The following ULK4 variants were observed in gnomAD, a reference collection of about 807,000 sequenced individuals.
The protein encoded by ULK4 is unc-51 like kinase 4, also known as inactive serine/threonine-protein kinase ULK4.
A neutral mutation model predicts 160.6 loss-of-function variants in ULK4; 133 were observed. That is an observed-to-expected ratio of 0.83 (90% CI 0.72 to 0.96). The LOEUF is 0.96. Among genes scored for constraint, ULK4 ranks in the 40% least tolerant of loss-of-function variants. The probability of loss-of-function intolerance (pLI) is 0.00; values close to 1 mark genes in which losing one functional copy is unlikely to be tolerated. For synonymous variants in ULK4, 534 were observed against 539.8 expected, an observed-to-expected ratio of 0.99 and a Z score of 0.15; for missense variants, 1,580 against 1,499.5, an observed-to-expected ratio of 1.05 and a Z score of -0.89.
intron 22 of ULK4, among the ~76,000 whole-genome samples, chr3:41,740,773 T>G (rs1407224824): frequency 1.3e-5 from 2 of 151,964 alleles, no homozygotes; most frequent in Non-Finnish European, 2.9e-5. Context: ...GGACTCCAGT[T>G]GCTAGTGCAG....
chr3:41,346,461 A>G (rs1432077365), intron 35 of ULK4, among the ~76,000 whole-genome samples: 1 of 152,148 alleles, frequency 6.6e-6, no homozygotes, highest in East Asian at 1.9e-4. Flanking sequence ...CCTTCTCTGC[A>G]GAAAGTGAGC....
chr3:41,431,037 G>A (rs967123288), intron 34 of ULK4, among the ~76,000 whole-genome samples: 1 of 152,198 alleles, frequency 6.6e-6, no homozygotes, highest in Non-Finnish European at 1.5e-5. Flanking sequence ...TTCACTACAC[G>A]TTATCGTACT....
At chr3:41,796,394 G>A (rs138801360) in intron 20 of ULK4, among the ~76,000 whole-genome samples, 28 of 152,132 alleles carry the variant, frequency 1.8e-4, no homozygotes, top group African/African-American at 4.1e-4. Flanking sequence ...TTTGAGACCC[G>A]CCTGGCCAAC....
chr3:41,493,086 C>A (rs2084850831), intron 32 of ULK4, among the ~76,000 whole-genome samples: 1 of 101,996 alleles, frequency 9.8e-6, no homozygotes, highest in Non-Finnish European at 2.1e-5. Context: ...ACCTAATAGA[C>A]ATCTACAGAA....
chr3:41,849,388 A>G (rs1297306774), intron 17 of ULK4, among the ~76,000 whole-genome samples: 1 of 152,212 alleles, frequency 6.6e-6, no homozygotes, highest in Non-Finnish European at 1.5e-5. Flanking sequence ...AACACCAACC[A>G]CTAGAGAAGC....
At chr3:41,477,719 T>G (rs767149248) in intron 32 of ULK4, among the ~76,000 whole-genome samples, 143 of 152,248 alleles carry the variant, frequency 9.4e-4, no homozygotes, top group Non-Finnish European at 1.9e-3. Flanking sequence ...TACTGACAGG[T>G]TATAAATGTA....
At chr3:41,853,710 C>T (rs1205901924) in intron 17 of ULK4, among the ~76,000 whole-genome samples, 4 of 152,102 alleles carry the variant, frequency 2.6e-5, no homozygotes, top group Admixed American at 2.6e-4. Context: ...TTTGATTGGA[C>T]GAGAGACTGA....
At chr3:41,498,179 A>G (rs1464124631) in intron 32 of ULK4, among the ~76,000 whole-genome samples, 2 of 152,220 alleles carry the variant, frequency 1.3e-5, no homozygotes, top group East Asian at 1.9e-4. Context: ...GGAATTTTCA[A>G]AAAACTGAAA....
At chr3:41,609,736 C>T (rs1279846485) in intron 31 of ULK4, among the ~76,000 whole-genome samples, 1 of 152,116 alleles carries the variant, frequency 6.6e-6, no homozygotes, top group East Asian at 1.9e-4. Context: ...CTTTGGAAGG[C>T]CAAGGTGGGA....
At chr3:41,606,294 A>G (rs536111550) in intron 31 of ULK4, among the ~76,000 whole-genome samples, 1 of 152,156 alleles carries the variant, frequency 6.6e-6, no homozygotes, top group South Asian at 2.1e-4. Flanking sequence ...CAATAAAACC[A>G]AAGGCAAATG....
intron 22 of ULK4, among the ~76,000 whole-genome samples, chr3:41,752,254 G>A (rs960662841): frequency 3.9e-5 from 6 of 152,084 alleles, no homozygotes; most frequent in African/African-American, 1.4e-4. Flanking sequence ...TAGAACTGTT[G>A]AGAAGCTATA....
intron 35 of ULK4, among the ~76,000 whole-genome samples, chr3:41,277,094 C>A (rs2079241262): frequency 6.6e-6 from 1 of 152,092 alleles, no homozygotes; most frequent in South Asian, 2.1e-4. Context: ...AGCAGTGAGA[C>A]TGAAATGGTA....
At chr3:41,917,613 T>C (rs1002821206) in intron 7 of ULK4, among the ~76,000 whole-genome samples, 2 of 152,212 alleles carry the variant, frequency 1.3e-5, no homozygotes, top group Non-Finnish European at 1.5e-5. Flanking sequence ...TTATTGCTGA[T>C]AGATCATTAT....
intron 17 of ULK4, among the ~76,000 whole-genome samples, chr3:41,851,098 A>G (rs545880432): frequency 8.5e-5 from 13 of 152,314 alleles, no homozygotes; most frequent in African/African-American, 3.1e-4. Context: ...CCCTTGCCAG[A>G]ATTTCCAACA....
intron 7 of ULK4, among the ~76,000 whole-genome samples, chr3:41,916,738 A>C (rs1575944179): frequency 5.2e-5 from 6 of 114,424 alleles, no homozygotes; most frequent in South Asian, 2.6e-4. Context: ...AATGAGTTTC[A>C]CTCTTCTTGC....
intron 31 of ULK4, among the ~76,000 whole-genome samples, chr3:41,594,694 A>C (rs1200668724): frequency 6.6e-6 from 1 of 152,188 alleles, no homozygotes; most frequent in Non-Finnish European, 1.5e-5. Context: ...TTGGATGTTA[A>C]GCCACTGCAG....
intron 21 of ULK4, among the ~76,000 whole-genome samples, chr3:41,784,478 A>G (rs75819087): frequency 6.6e-6 from 1 of 152,154 alleles, no homozygotes; most frequent in African/African-American, 2.4e-5. Flanking sequence ...AAATGGAAAA[A>G]GGTGGTTTTT....
intron 30 of ULK4, among the ~76,000 whole-genome samples, chr3:41,652,262 G>C (rs1350244531): frequency 6.6e-6 from 1 of 151,794 alleles, no homozygotes; most frequent in African/African-American, 2.4e-5. Context: ...ATCAAAACAA[G>C]CTTAGATCAA....
At chr3:41,672,832 T>C (rs959374159) in intron 29 of ULK4, among the ~76,000 whole-genome samples, 11 of 152,076 alleles carry the variant, frequency 7.2e-5, no homozygotes, top group African/African-American at 2.4e-4. Flanking sequence ...ACAAATATCA[T>C]ATATCCAAAA....
Sources: allele counts gnomAD v4.1 joint callset (sites outside exome capture counted in the v4.1 genomes callset), GRCh38; gene constraint gnomAD v4.1.1; transcripts MANE v1.5; gene names NCBI Gene and HGNC (gene_info 2026-07-23, HGNC 2026-07-21).